GPHN: variants seen among roughly 807,000 people sequenced by gnomAD.
GPHN encodes gephyrin.
Under a neutral mutation model 95.5 loss-of-function variants are expected in GPHN, and 17 were observed. That is an observed-to-expected ratio of 0.18 (90% CI 0.12 to 0.27). GPHN has a LOEUF of 0.27. Ranked by LOEUF, GPHN falls within the 10% of genes least tolerant of loss-of-function variation. GPHN has a pLI of 1.00. For synonymous variants in GPHN, 320 were observed against 322.5 expected, an observed-to-expected ratio of 0.99 and a Z score of 0.08; for missense variants, 660 against 978.1, an observed-to-expected ratio of 0.67 and a Z score of 4.34.
chr14:67,625,029 G>T, the GPHN span, among the ~76,000 whole-genome samples: 1 of 152,084 alleles, frequency 6.6e-6, no homozygotes, highest in Non-Finnish European at 1.5e-5. Flanking sequence ...CCAGAAAATT[G>T]TCATTTGACT....
the GPHN span, among the ~76,000 whole-genome samples, chr14:67,232,894 T>G: frequency 6.6e-6 from 1 of 152,306 alleles, no homozygotes; most frequent in Middle Eastern, 3.4e-3. Context: ...CCATGAGGCC[T>G]GAAAGCTTTT....
the GPHN span, chr14:67,725,078 CT>C: frequency 6.2e-7 from 1 of 1,614,004 alleles, no homozygotes; most frequent in East Asian, 2.2e-5. Flanking sequence ...ACATACTGCT[CT>C]TTTTTTGTCT....
intron 2 of GPHN, among the ~76,000 whole-genome samples, chr14:66,754,382 C>CT (rs1181640455): frequency 6.6e-6 from 1 of 151,912 alleles, no homozygotes; most frequent in Non-Finnish European, 1.5e-5. Flanking sequence ...ATTTATACTA[C>CT]TAGTGACTTT....
At chr14:67,112,913 T>G (rs2078460376) in intron 15 of GPHN, 105 bp from the exon 16 acceptor site, 2 of 970,474 alleles carry the variant, frequency 2.1e-6, no homozygotes, top group Non-Finnish European at 3.3e-6. Context: ...ATTTCTAGAC[T>G]TTTTTGTCTT....
the GPHN span, among the ~76,000 whole-genome samples, chr14:67,305,961 C>A: frequency 6.6e-6 from 1 of 152,122 alleles, no homozygotes; most frequent in Non-Finnish European, 1.5e-5. Context: ...ACATCTATCC[C>A]TTTTAAAATG....
the GPHN span, among the ~76,000 whole-genome samples, chr14:67,604,582 G>A: frequency 1.3e-5 from 2 of 152,060 alleles, no homozygotes; most frequent in Admixed American, 1.3e-4. Context: ...CAGCTACTAG[G>A]TACTAGGGAG....
the GPHN span, among the ~76,000 whole-genome samples, chr14:67,382,103 C>G: frequency 6.6e-6 from 1 of 151,988 alleles, no homozygotes; most frequent in Non-Finnish European, 1.5e-5. Context: ...AGGATTCTTC[C>G]ATCAGTTTAG....
the GPHN span, chr14:67,382,345 G>C: frequency 9.3e-7 from 1 of 1,079,626 alleles, no homozygotes; most frequent in South Asian, 1.6e-5. Flanking sequence ...TTACGTTTTG[G>C]GGTGATTTGT....
chr14:66,538,824 A>T (rs1335564395), intron 1 of GPHN, among the ~76,000 whole-genome samples: 1 of 150,086 alleles, frequency 6.7e-6, no homozygotes, highest in Non-Finnish European at 1.5e-5. Flanking sequence ...AACATACAAT[A>T]TATGTTTTGA....
At chr14:67,410,653 G>A in the GPHN span, among the ~76,000 whole-genome samples, 3,435 of 152,290 alleles carry the variant, frequency 0.023, 40 homozygotes, top group Middle Eastern at 0.034. Context: ...GACACATTTT[G>A]TGGGGAAAAT....
intron 10 of GPHN, among the ~76,000 whole-genome samples, chr14:67,026,933 C>T (rs747117920): frequency 2.0e-5 from 3 of 152,116 alleles, no homozygotes; most frequent in Admixed American, 6.5e-5. Context: ...TGAGCCACCG[C>T]GCCCAGCCTT....
the GPHN span, among the ~76,000 whole-genome samples, chr14:67,462,909 C>T: frequency 1.5e-4 from 23 of 152,208 alleles, no homozygotes; most frequent in African/African-American, 5.6e-4. Flanking sequence ...GGTCATTCTG[C>T]AAAGCAGGAA....
chr14:67,656,348 C>T, the GPHN span: 69 of 1,426,926 alleles, frequency 4.8e-5, no homozygotes, highest in Middle Eastern at 8.0e-4. Flanking sequence ...GGCCTTAGTA[C>T]GGTTTCCAGG....
chr14:67,393,330 G>C, the GPHN span: 1 of 866,842 alleles, frequency 1.2e-6, no homozygotes, highest in Non-Finnish European at 2.0e-6. Context: ...AGGGTATAAA[G>C]CAAGTGGCAA....
the GPHN span, among the ~76,000 whole-genome samples, chr14:67,356,448 C>A: frequency 3.2e-4 from 43 of 135,438 alleles, no homozygotes; most frequent in East Asian, 2.7e-3. Flanking sequence ...AAAAAAAAAA[C>A]AAAAACAAAC....
At chr14:67,437,755 T>A in the GPHN span, among the ~76,000 whole-genome samples, 4,367 of 152,032 alleles carry the variant, frequency 0.029, 86 homozygotes, top group Non-Finnish European at 0.041. Context: ...CAGGCCTGAA[T>A]CCCAGATTTC....
the GPHN span, among the ~76,000 whole-genome samples, chr14:67,452,281 C>T: frequency 1.3e-5 from 2 of 150,414 alleles, no homozygotes; most frequent in Non-Finnish European, 2.9e-5. Flanking sequence ...TGAGATCACA[C>T]CACTGCACTC....
chr14:66,677,695 T>A (rs372221628), intron 1 of GPHN, among the ~76,000 whole-genome samples: 1 of 79,760 alleles, frequency 1.3e-5, no homozygotes, highest in African/African-American at 1.8e-4. Context: ...TCTTGTGGCC[T>A]AACATGTGGT....
intron 1 of GPHN, among the ~76,000 whole-genome samples, chr14:66,572,596 T>TA (rs2060739706): frequency 6.6e-6 from 1 of 152,146 alleles, no homozygotes; most frequent in Non-Finnish European, 1.5e-5. Context: ...ATGCTACTGA[T>TA]ATTTGTACGT....
Sources: allele counts gnomAD v4.1 joint callset (sites outside exome capture counted in the v4.1 genomes callset), GRCh38; gene constraint gnomAD v4.1.1; transcripts MANE v1.5; gene names NCBI Gene and HGNC (gene_info 2026-07-23, HGNC 2026-07-21).